AXIN1: variants seen among roughly 807,000 people sequenced by gnomAD.
The protein encoded by AXIN1 is axin-1.
A neutral mutation model predicts 76.4 loss-of-function variants in AXIN1; 30 were observed. The ratio of observed to expected loss-of-function variants is 0.39; its 90% CI spans 0.29 to 0.53. The LOEUF (loss-of-function observed/expected upper bound fraction) is 0.53. AXIN1 is among the 20% of genes least tolerant of loss of function. The pLI, the probability that AXIN1 is intolerant of heterozygous loss-of-function variation, is 0.66. For synonymous variants in AXIN1, 545 were observed against 501.4 expected, an observed-to-expected ratio of 1.09 and a Z score of -1.16; for missense variants, 1,140 against 1,198.8, an observed-to-expected ratio of 0.95 and a Z score of 0.72.
At position 297,782 on chromosome 16, in the gene AXIN1, G is replaced by A. The variant is rs755323735; in HGVS notation, c.1724C>T (p.Ser575Phe). ...GLEPHSHGAR[S>F]RGYSESVGAA... Reference sequence around the variant, plus strand: ...GCCAACACTCTCTGAGTAGCCTCGGGACCTTGCCCCATGGCTGTGTGGTTC... The same window carrying A: ...GCCAACACTCTCTGAGTAGCCTCGGAACCTTGCCCCATGGCTGTGTGGTTC... The change falls in exon 6 of 11, where the codon TCC (serine) becomes TTC (phenylalanine). Residue 575 changes from serine (S) to phenylalanine (F), a missense_variant. Transcript: ENST00000262320. 6.4e-7 allele frequency: 1 copy of A among 1,572,998 alleles called. No homozygotes were observed.
chr16:289,861 C>T (rs2052505435), intron 9 of AXIN1: 3 of 574,046 alleles, frequency 5.2e-6, no homozygotes, highest in South Asian at 2.0e-5. Flanking sequence ...CCTCGACTGG[C>T]CAGGGCCTGG....
intron 8 of AXIN1, chr16:292,757 G>C (rs1049981449): frequency 6.6e-6 from 1 of 152,344 alleles, no homozygotes; most frequent in Non-Finnish European, 1.5e-5. Flanking sequence ...GAGAAGCCAG[G>C]TTCTGGCCTG....
chr16:349,510 G>A (rs530133210), intron 1 of AXIN1, among the ~76,000 whole-genome samples: 184 of 152,264 alleles, frequency 1.2e-3, no homozygotes, highest in African/African-American at 4.2e-3. Flanking sequence ...CCAAGTCACC[G>A]GAGAGTGGAA....
chr16:334,553 A>C (rs936744537), intron 2 of AXIN1, among the ~76,000 whole-genome samples: 43 of 146,050 alleles, frequency 2.9e-4, no homozygotes, highest in East Asian at 6.2e-4. Flanking sequence ...TGCCAATAAC[A>C]CAGCACCCAG....
rs1173156334 is a variant in AXIN1 at position 287,608 on chromosome 16, C to T, written c.*514G>A. ...TCAGAAAGGAGGACCCAGGACTGCA[C>T]AGCCGGCGGCTGGAGGCAGGTGCAG... On this transcript the variant is annotated 3_prime_UTR_variant, in exon 11 of 11. Transcript: ENST00000262320. 1 of 316,650 alleles carries T rather than the reference C, an allele frequency of 3.2e-6. No individual in the cohort carries two copies. Among genetic ancestry groups the T allele is most frequent in the East Asian group, 5.0e-5 (1 of 20,118 alleles). 19.6% of individuals were successfully genotyped at this position (316,650 alleles called of 1,614,324 possible).
rs372908701 is a variant in AXIN1 at position 340,418 on chromosome 16, C to T, written c.878+5730G>A. ...CAGGGCAGTCAACAGAAGGGGCCAG[C>T]GGCGAGGAGACTGCGGGCTTGACCA... On this transcript the variant is annotated intron_variant, in intron 2 of 10. Coordinates refer to ENST00000262320, the MANE Select transcript of AXIN1 (RefSeq NM_003502.4). Among the ~76,000 whole-genome samples the T allele has an allele frequency of 8.5e-5, 13 of 152,346 alleles. No individual in the cohort carries two copies. In the East Asian group the frequency reaches 2.5e-3, roughly 29 times the overall value.
intron 2 of AXIN1, among the ~76,000 whole-genome samples, chr16:340,127 C>T (rs948395622): frequency 6.6e-6 from 1 of 152,038 alleles, no homozygotes. Flanking sequence ...TGAGCAGGTC[C>T]GACGGTTCCT....
At chr16:311,266 G>C (rs897600436) in intron 3 of AXIN1, among the ~76,000 whole-genome samples, 3 of 151,710 alleles carry the variant, frequency 2.0e-5, no homozygotes, top group Non-Finnish European at 4.4e-5. Context: ...TCCTGACCCC[G>C]TGATCCGCCT....
chr16:331,150 C>G lies in AXIN1; in HGVS notation c.878+14998G>C, dbSNP rs189090177. On this transcript the variant is annotated intron_variant, in intron 2 of 10. Coordinates refer to ENST00000262320, the MANE Select transcript of AXIN1 (RefSeq NM_003502.4). ...AGACCAGCTCTCAGTGCTGAAGCTA[C>G]AAGACGAAAATAACAACTTCTGAAA... 2.6e-5 allele frequency among the ~76,000 whole-genome samples: 4 copies of G among 152,182 alleles called. No individual in the cohort carries two copies. In the East Asian group the frequency reaches 7.7e-4, roughly 29 times the overall value.
chr16:329,574 T>C (rs924356155), intron 2 of AXIN1, among the ~76,000 whole-genome samples: 1 of 151,406 alleles, frequency 6.6e-6, no homozygotes, highest in African/African-American at 2.4e-5. Context: ...GCCTCCCGAG[T>C]AGATGGGATT....
At chr16:290,052 G>C (rs1028135271) in intron 9 of AXIN1, 5 of 261,044 alleles carry the variant, frequency 1.9e-5, no homozygotes, top group African/African-American at 4.5e-5. Flanking sequence ...CGGAGGACTG[G>C]GGCGGGGGTG....
In AXIN1 at chr16:346,839, G is replaced by A. The variant is rs145608130; in HGVS notation, c.187C>T (p.Arg63Cys). 13 of 1,613,384 alleles carry A rather than the reference G, an allele frequency of 8.1e-6. No homozygotes were observed. Among genetic ancestry groups the A allele is most frequent in the Non-Finnish European group, 9.3e-6 (11 of 1,179,478 alleles). The change falls in exon 2 of 11, where the codon CGC (arginine) becomes TGC (cysteine). Residue 63 changes from arginine to cysteine, a missense_variant. Around this residue, in one of 3 missense-constraint regions of AXIN1, gnomAD observed 708 missense variants for 776.9 expected, o/e 0.91. Transcript: ENST00000262320. ...TCATACCCCAGGTCCAGATCCGAGC[G>A]CCTCGGAGTGGCCGTCGAAGTCTCA... ...KGETSTATPR[R>C]SDLDLGYEPE...
chr16:341,720 G>C (rs1187589962), intron 2 of AXIN1, among the ~76,000 whole-genome samples: 1 of 152,268 alleles, frequency 6.6e-6, no homozygotes, highest in Non-Finnish European at 1.5e-5. Context: ...TTCTGGTGGG[G>C]ACGTGGAGAA....
rs757403498 is a variant in AXIN1, at chr16:293,949, G to A, written c.1956-231C>T. Among the ~76,000 whole-genome samples, 4 of 152,098 alleles carry A rather than the reference G, an allele frequency of 2.6e-5. No individual in the cohort carries two copies. The highest frequency in any genetic ancestry group is 7.2e-5 in the African/African-American group (3 of 41,544). On this transcript the variant is annotated intron_variant, in intron 7 of 10. Coordinates refer to ENST00000262320, the MANE Select transcript of AXIN1 (RefSeq NM_003502.4). This position sits in a 1 kb window ranked among gnomAD's most constrained non-coding sequence, Gnocchi z 4.6. Reference sequence around the variant, plus strand: ...TCCCAGCATTTCGGGAGGCCGAGGCGGGCAGATCACCAGAGGTCGGGAGTT... The same window carrying A: ...TCCCAGCATTTCGGGAGGCCGAGGCAGGCAGATCACCAGAGGTCGGGAGTT...
intron 2 of AXIN1, 82 bp downstream of exon 2, chr16:346,066 C>G (rs1235056375): frequency 7.0e-7 from 1 of 1,432,918 alleles, no homozygotes; most frequent in South Asian, 1.2e-5. Context: ...GGTTAACGCC[C>G]GCCTCATCAG....
intron 2 of AXIN1, among the ~76,000 whole-genome samples, chr16:324,513 C>T (rs952773531): frequency 1.3e-5 from 2 of 152,182 alleles, no homozygotes; most frequent in Non-Finnish European, 2.9e-5. Flanking sequence ...CCCAGTGTCC[C>T]GCAGAGTTTG....
intron 2 of AXIN1, among the ~76,000 whole-genome samples, chr16:315,021 C>T (rs2053268939): frequency 6.6e-6 from 1 of 152,240 alleles, no homozygotes; most frequent in Non-Finnish European, 1.5e-5. Flanking sequence ...TCTGCTCATT[C>T]TGCAGTGCGC....
At position 293,850 on chromosome 16, in the gene AXIN1, C is replaced by G; in HGVS notation, c.1956-132G>C. ...GGATGGGGCACTGGGGCCTGGCCACCAAGCCACATGGACGTCCTCCACAGA... is the reference window on the plus strand; with the variant it reads ...GGATGGGGCACTGGGGCCTGGCCACGAAGCCACATGGACGTCCTCCACAGA... On this transcript the variant is annotated intron_variant, in intron 7 of 10. Transcript: ENST00000262320. This position sits in a 1 kb window ranked among gnomAD's most constrained non-coding sequence, Gnocchi z 4.6. 1 of 858,504 alleles carries G rather than the reference C, an allele frequency of 1.2e-6. No homozygotes were observed. Among genetic ancestry groups the G allele is most frequent in the Non-Finnish European group, 1.9e-6 (1 of 517,688 alleles). 53.2% of individuals were successfully genotyped at this position (858,504 alleles called of 1,614,324 possible).
intron 2 of AXIN1, among the ~76,000 whole-genome samples, chr16:324,662 T>C (rs571979277): frequency 1.3e-5 from 2 of 152,224 alleles, no homozygotes; most frequent in Non-Finnish European, 2.9e-5. Flanking sequence ...ATCCCTGTTT[T>C]GACAAGCTAA....
Sources: gnomAD v4.1 joint callset for allele counts (sites outside exome capture counted in the v4.1 genomes callset) on GRCh38, gnomAD v4.1.1 for gene constraint, gnomAD v4.1.1 regional missense constraint, Gnocchi (gnomAD v3.1) non-coding constraint, MANE v1.5 for transcripts, NCBI Gene and HGNC (gene_info 2026-07-23, HGNC 2026-07-21) for gene names.